The following TAC4 variants were observed in gnomAD, a reference collection of about 807,000 sequenced individuals.
The protein encoded by TAC4 is tachykinin precursor 4, also known as tachykinin-4.
A neutral mutation model predicts 17.7 loss-of-function variants in TAC4; 17 were observed. That is an observed-to-expected ratio of 0.96 (90% CI 0.66 to 1.44). The LOEUF (loss-of-function observed/expected upper bound fraction) is 1.44. Ranked by LOEUF, TAC4 falls within the 40% of genes most tolerant of loss-of-function variation. TAC4 has a pLI of 0.00. For synonymous variants in TAC4, 62 were observed against 52.4 expected (o/e 1.18, Z -0.79); for missense variants, 118 against 125.6 (o/e 0.94, Z 0.29).
At chr17:49,841,631 T>G in intron 2 of TAC4, 47 bp from the exon 3 acceptor site, 1 of 1,504,306 alleles carries the variant, frequency 6.6e-7, no homozygotes, top group South Asian at 1.3e-5. Context: ...ACTGCTTCCC[T>G]GGGGGCTTGG....
chr17:49,847,881 C>G (rs371172205), intron 1 of TAC4, 32 bp downstream of exon 1: 2 of 1,613,816 alleles, frequency 1.2e-6, no homozygotes, highest in Admixed American at 1.7e-5. Context: ...GTCAGAGCCT[C>G]TCCCCAAAAG....
chr17:49,841,588 G>A lies in TAC4; in HGVS notation c.200-4C>T, dbSNP rs200624728. On this transcript the variant is annotated splice_region_variant and splice_polypyrimidine_tract_variant and intron_variant, in intron 2 of 4. Coordinates refer to ENST00000436235, the MANE Select transcript of TAC4 (RefSeq NM_001077506.2). ...CTTGGCTGGATCAGAGGTCTTCCTG[G>A]GGGAAGGAGAAGGAATGAGGACTAC... 6 of 1,572,408 alleles carry A rather than the reference G, an allele frequency of 3.8e-6. No homozygotes were observed. The highest frequency in any genetic ancestry group is 1.2e-5 in the South Asian group (1 of 85,866).
intron 4 of TAC4, 45 bp downstream of exon 4, chr17:49,839,805 C>T (rs2074483163): frequency 1.3e-6 from 2 of 1,582,022 alleles, no homozygotes; most frequent in South Asian, 1.2e-5. Context: ...AGTGTCTGGC[C>T]ATTTTCCCAT....
chr17:49,847,802 A>G (rs2144061329), intron 1 of TAC4, 111 bp downstream of exon 1: 1 of 1,585,180 alleles, frequency 6.3e-7, no homozygotes, highest in Non-Finnish European at 8.6e-7. Context: ...TGCCTTGCAG[A>G]CTGCCTGCTC....
intron 2 of TAC4, among the ~76,000 whole-genome samples, chr17:49,842,112 G>A (rs183858304): frequency 1.0e-3 from 156 of 151,112 alleles, no homozygotes; most frequent in Non-Finnish European, 1.7e-3. Flanking sequence ...CACCACATTA[G>A]CCAGGATGGT....
At chr17:49,838,912 G>A (rs2074476959) in intron 4 of TAC4, among the ~76,000 whole-genome samples, 1 of 152,142 alleles carries the variant, frequency 6.6e-6, no homozygotes, top group Non-Finnish European at 1.5e-5. Flanking sequence ...TAAAGGTGGG[G>A]AAGGCTATCC....
At chr17:49,840,608 T>C (rs2074490056) in intron 3 of TAC4, among the ~76,000 whole-genome samples, 1 of 152,072 alleles carries the variant, frequency 6.6e-6, no homozygotes, top group South Asian at 2.1e-4. Context: ...GTTCAAGCGA[T>C]TCTCCTGCCT....
In TAC4 at chr17:49,838,675, T is replaced by G. The variant is rs757846932; in HGVS notation, c.293-2A>C. On this transcript the variant is annotated splice_acceptor_variant, in intron 4 of 4. Coordinates refer to ENST00000436235, the MANE Select transcript of TAC4 (RefSeq NM_001077506.2). LOFTEE classifies it high-confidence loss of function. ...AACCTTGGGCCTCATCCTCTCTGCC[T>G]GGGGAGAGTTTGGTATATGAACCAT... 2 of 1,613,254 alleles carry G rather than the reference T, an allele frequency of 1.2e-6. No individual in the cohort carries two copies. Among genetic ancestry groups the G allele is most frequent in the East Asian group, 2.2e-5 (1 of 44,796 alleles).
chr17:49,847,721 ACACACT>A, intron 1 of TAC4, 186 bp downstream of exon 1: 1 of 741,572 alleles, frequency 1.3e-6, no homozygotes, highest in Non-Finnish European at 2.2e-6. Flanking sequence ...ACACACACAC[ACACACT>A]TCGGAGGTCT....
chr17:49,841,818 GCA>G (rs1182255131), intron 2 of TAC4, among the ~76,000 whole-genome samples: 1 of 151,850 alleles, frequency 6.6e-6, no homozygotes, highest in Admixed American at 6.6e-5. Context: ...AGCTGGGTGG[GCA>G]TCCTTGGGAA....
chr17:49,840,536 CTT>C (rs1368809747), intron 3 of TAC4, among the ~76,000 whole-genome samples: 1 of 152,040 alleles, frequency 6.6e-6, no homozygotes, highest in Non-Finnish European at 1.5e-5. Context: ...GAGTCTCGCT[CTT>C]GTCGCCCAGC....
intron 2 of TAC4, among the ~76,000 whole-genome samples, chr17:49,843,309 C>T (rs9905346): frequency 1.6e-4 from 25 of 152,338 alleles, no homozygotes; most frequent in African/African-American, 6.0e-4. Flanking sequence ...GGACAGGACT[C>T]CTGAGTTGAA....
rs748395826 is a variant in TAC4, at chr17:49,844,079, C to G, written c.184G>C (p.Gly62Arg). The G allele has an allele frequency of 2.5e-6, 4 of 1,613,970 alleles. No homozygotes were observed. The highest frequency in any genetic ancestry group is 1.1e-5 in the South Asian group (1 of 91,074). ...GKASQFFGLM[G>R]KRVGGRPLIQ... ...TGTCACTCACCTCCCACTCGCTTCCCCATCAGCCCAAAGAACTGGCTTGCC... is the reference window on the plus strand; with the variant it reads ...TGTCACTCACCTCCCACTCGCTTCCGCATCAGCCCAAAGAACTGGCTTGCC... Residue 62 changes from glycine (G) to arginine (R), a missense_variant, in exon 2 of 5, where the codon GGG (glycine) becomes CGG (arginine). By Grantham distance (125) the Gly-to-Arg change is moderately radical. Transcript: ENST00000436235.
chr17:49,846,098 TG>T, intron 1 of TAC4: 3 of 707,694 alleles, frequency 4.2e-6, no homozygotes, highest in Non-Finnish European at 6.1e-6. Context: ...TTTCTGTGCC[TG>T]GTGGGGGGGC....
chr17:49,845,125 C>G (rs1395883699), intron 1 of TAC4, among the ~76,000 whole-genome samples: 1 of 152,230 alleles, frequency 6.6e-6, no homozygotes, highest in Non-Finnish European at 1.5e-5. Context: ...TGCTTCCCCT[C>G]CTTATCCCCA....
intron 1 of TAC4, chr17:49,847,231 C>T: frequency 1.6e-6 from 2 of 1,290,128 alleles, no homozygotes; most frequent in Non-Finnish European, 2.0e-6. Context: ...GAGCACTGGC[C>T]TCTTATTTAC....
chr17:49,842,053 G>A (rs978537596), intron 2 of TAC4, among the ~76,000 whole-genome samples: 2 of 150,996 alleles, frequency 1.3e-5, no homozygotes, highest in African/African-American at 2.4e-5. Flanking sequence ...ACAGGCGCCC[G>A]CCACCACGCC....
intron 3 of TAC4, 151 bp downstream of exon 3, chr17:49,841,401 C>T: frequency 1.4e-6 from 1 of 728,028 alleles, no homozygotes; most frequent in Non-Finnish European, 2.0e-6. Flanking sequence ...CTAGCATGGC[C>T]AAACCACACT....
chr17:49,845,257 C>T (rs1048284079), intron 1 of TAC4, among the ~76,000 whole-genome samples: 2 of 152,304 alleles, frequency 1.3e-5, no homozygotes, highest in African/African-American at 4.8e-5. Context: ...TGGGCAAAGA[C>T]ATTTTAATCG....
Sources: gnomAD v4.1 joint callset for allele counts (sites outside exome capture counted in the v4.1 genomes callset) on GRCh38, gnomAD v4.1.1 for gene constraint, MANE v1.5 for transcripts, NCBI Gene and HGNC (gene_info 2026-07-23, HGNC 2026-07-21) for gene names.